Variants in APIP observed in about 807,000 individuals in gnomAD.
APIP encodes methylthioribulose-1-phosphate dehydratase.
APIP carries 32 observed loss-of-function variants against 32.0 expected under a neutral mutation model. The observed-to-expected ratio is 1.00, with a 90% CI of 0.76 to 1.34. APIP has a LOEUF of 1.34. APIP is among the 40% of genes most tolerant of loss of function. The pLI, the probability that APIP is intolerant of heterozygous loss-of-function variation, is 0.00. For missense variants in APIP, 247 were observed against 298.6 expected (o/e 0.83, Z 1.27); for synonymous variants, 92 against 94.8 (o/e 0.97, Z 0.17).
chr11:34,899,758 T>C (rs1162533656), intron 1 of APIP, among the ~76,000 whole-genome samples: 9 of 152,126 alleles, frequency 5.9e-5, no homozygotes, highest in Non-Finnish European at 2.9e-5. Flanking sequence ...GGGTCACACC[T>C]ACAGTCATGG....
At chr11:34,884,824 CT>C (rs1203778502) in intron 5 of APIP, among the ~76,000 whole-genome samples, 4 of 152,018 alleles carry the variant, frequency 2.6e-5, no homozygotes, top group African/African-American at 9.7e-5. Flanking sequence ...ATATTTTTCT[CT>C]AGCATGCACT....
At chr11:34,896,726 G>GCAA (rs570312466) in intron 1 of APIP, 676,687 of 1,077,440 alleles carry the variant, frequency 0.63, 212,737 homozygotes, top group East Asian at 0.73. Flanking sequence ...GCATAATAAA[G>GCAA]CAACAACAAC....
intron 5 of APIP, 116 bp from the exon 6 acceptor site, chr11:34,883,620 A>C: frequency 3.1e-6 from 3 of 977,138 alleles, no homozygotes; most frequent in South Asian, 1.7e-5. Context: ...CTGAAAAGCC[A>C]CTCCAAATTA....
Position 34,916,342 on chromosome 11 carries a change from TTAGCCTGGGATA to T in APIP, c.-70_-59del. ...CTCCGCACGGCTTTGCGCGCGGCGC[TTAGCCTGGGATA>T]CGGCAGCGAGGCCGCAAATGCAATC... On this transcript the variant is annotated 5_prime_UTR_variant, in exon 1 of 7. Coordinates refer to ENST00000395787, the MANE Select transcript of APIP (RefSeq NM_015957.4). 6.3e-7 allele frequency: 1 copy of T among 1,597,452 alleles called. No individual in the cohort carries two copies. Among genetic ancestry groups the T allele is most frequent in the Admixed American group, 1.7e-5 (1 of 57,974 alleles).
At chr11:34,915,001 CAAAAAAAAA>C (rs33914497) in intron 1 of APIP, among the ~76,000 whole-genome samples, 18,889 of 77,414 alleles carry the variant, frequency 0.24, 2,289 homozygotes, top group African/African-American at 0.43. Context: ...CAAAACGTGT[CAAAAAAAAA>C]AAAAAAAAAA....
chr11:34,915,875 C>T, intron 1 of APIP: 1 of 342,848 alleles, frequency 2.9e-6, no homozygotes, highest in Non-Finnish European at 5.3e-6. Context: ...GCGCGGTCTT[C>T]GCCCCAGCTC....
chr11:34,909,892 G>A (rs1420700811), intron 1 of APIP, among the ~76,000 whole-genome samples: 2 of 152,310 alleles, frequency 1.3e-5, no homozygotes, highest in East Asian at 3.9e-4. Context: ...TCACATTCCA[G>A]CAGATTGGTA....
intron 5 of APIP, among the ~76,000 whole-genome samples, chr11:34,887,556 G>A (rs1327327222): frequency 6.6e-6 from 1 of 152,112 alleles, no homozygotes; most frequent in East Asian, 1.9e-4. Flanking sequence ...TGATATTGTG[G>A]TAATAACACT....
At chr11:34,897,744 A>G (rs1174911221) in intron 1 of APIP, among the ~76,000 whole-genome samples, 1 of 151,986 alleles carries the variant, frequency 6.6e-6, no homozygotes, top group Admixed American at 6.6e-5. Context: ...CATCATGGCC[A>G]CCCCAGATAT....
chr11:34,908,495 C>G (rs1012710858), intron 1 of APIP, among the ~76,000 whole-genome samples: 1 of 152,170 alleles, frequency 6.6e-6, no homozygotes, highest in Non-Finnish European at 1.5e-5. Flanking sequence ...TACTTGAATG[C>G]CCCAGCTCTC....
At chr11:34,905,986 C>A (rs192409777) in intron 1 of APIP, among the ~76,000 whole-genome samples, 1 of 152,258 alleles carries the variant, frequency 6.6e-6, no homozygotes, top group Admixed American at 6.5e-5. Flanking sequence ...GTCAGGTGGA[C>A]GCTTCTCACT....
chr11:34,889,700 T>C (rs1029836258), intron 3 of APIP, among the ~76,000 whole-genome samples: 19 of 152,120 alleles, frequency 1.2e-4, no homozygotes, highest in Admixed American at 5.9e-4. Context: ...ATGTACTCAA[T>C]GTTTAGCTCC....
At chr11:34,897,031 G>T (rs1351890650) in intron 1 of APIP, among the ~76,000 whole-genome samples, 2 of 152,122 alleles carry the variant, frequency 1.3e-5, no homozygotes, top group African/African-American at 4.8e-5. Flanking sequence ...CCGGTCACTG[G>T]GTAAAGGGGG....
In APIP at chr11:34,882,809, A is replaced by T. The variant is rs1279307937; in HGVS notation, c.637T>A (p.Cys213Ser). 6.2e-7 allele frequency: 1 copy of T among 1,603,966 alleles called. No individual in the cohort carries two copies. The highest frequency in any genetic ancestry group is 1.3e-5 in the African/African-American group (1 of 74,536). Residue 213 changes from cysteine to serine, a missense_variant, in exon 7 of 7, where the codon TGT becomes AGT. Transcript: ENST00000395787. Reference sequence around the variant, plus strand: ...GCAATATCAAATAAATAGTCATAACACTCACACCTGTAAAAGAAAAAGCAA... The same window carrying T: ...GCAATATCAAATAAATAGTCATAACTCTCACACCTGTAAAAGAAAAAGCAA... ...TWEKAKTMCECYDYLFDIAVS... is the reference protein window; with the variant it reads ...TWEKAKTMCESYDYLFDIAVS...
intron 2 of APIP, among the ~76,000 whole-genome samples, chr11:34,894,715 A>T (rs1175429359): frequency 6.6e-6 from 1 of 152,188 alleles, no homozygotes; most frequent in Non-Finnish European, 1.5e-5. Flanking sequence ...CTAGAATCTC[A>T]GGTATATGAA....
Position 34,888,419 on chromosome 11 carries a change from G to A in APIP, c.335C>T (p.Ala112Val). Residue 112 changes from alanine to valine, a missense_variant, in exon 5 of 7, where the codon GCA becomes GTA. Physicochemically the swap from Ala to Val is moderately conservative, Grantham distance 64 (BLOSUM62 0). Transcript: ENST00000395787. ...MNAYTMRGAG[A>V]VIHTHSKAAV... ...AGCTTTAGAGTGGGTATGAATCACT[G>A]CACCTGCTCCTGAAGGAGGAAGAAG... 6.2e-7 allele frequency: 1 copy of A among 1,606,804 alleles called. No homozygotes were observed.
At chr11:34,912,759 C>A (rs1853576654) in intron 1 of APIP, among the ~76,000 whole-genome samples, 1 of 152,194 alleles carries the variant, frequency 6.6e-6, no homozygotes, top group Non-Finnish European at 1.5e-5. Context: ...ACTGGCTCTC[C>A]TCGCTCCTCA....
At position 34,887,082 on chromosome 11, in the gene APIP, T is replaced by G. The variant is rs568681326; in HGVS notation, c.461+1211A>C. ...ATTAGACTCAGGATTCTCTTCAAAT[T>G]CAGATAAAATAACACTGCCTCCTGA... On this transcript the variant is annotated intron_variant, in intron 5 of 6. Transcript: ENST00000395787. Among the ~76,000 whole-genome samples, 4 of 152,306 alleles carry G rather than the reference T, an allele frequency of 2.6e-5. No homozygotes were observed. In the East Asian group the frequency reaches 7.7e-4, roughly 29 times the overall value.
intron 1 of APIP, among the ~76,000 whole-genome samples, chr11:34,895,469 T>C (rs1853254173): frequency 6.6e-6 from 1 of 152,210 alleles, no homozygotes; most frequent in Non-Finnish European, 1.5e-5. Context: ...AAGATTTATT[T>C]ACACAAAACA....
Sources: gnomAD v4.1 joint callset for allele counts (sites outside exome capture counted in the v4.1 genomes callset) on GRCh38, gnomAD v4.1.1 for gene constraint, MANE v1.5 for transcripts, NCBI Gene and HGNC (gene_info 2026-07-23, HGNC 2026-07-21) for gene names.